SGCD: variants seen among roughly 807,000 people sequenced by gnomAD.
SGCD encodes sarcoglycan delta.
A neutral mutation model predicts 36.6 loss-of-function variants in SGCD; 18 were observed. The ratio of observed to expected loss-of-function variants is 0.49; its 90% CI spans 0.34 to 0.73. The LOEUF (loss-of-function observed/expected upper bound fraction) is 0.73. SGCD is among the 30% of genes least tolerant of loss of function. The probability of loss-of-function intolerance (pLI) is 0.01; values close to 1 mark genes in which losing one functional copy is unlikely to be tolerated. For missense variants in SGCD, 387 were observed against 346.7 expected (o/e 1.12, Z -0.92); for synonymous variants, 133 against 130.6 (o/e 1.02, Z -0.12).
chr5:156,446,669 G>C (rs1188912543), intron 3 of SGCD, among the ~76,000 whole-genome samples: 1 of 152,072 alleles, frequency 6.6e-6, no homozygotes, highest in African/African-American at 2.4e-5. Flanking sequence ...CCCTTCCCTG[G>C]CCGAAGGAGC....
intron 4 of SGCD, among the ~76,000 whole-genome samples, chr5:156,531,833 G>T (rs1421483631): frequency 1.3e-5 from 2 of 152,094 alleles, no homozygotes; most frequent in African/African-American, 4.8e-5. Context: ...CATGGGCTAG[G>T]CACGGTGGCT....
At chr5:156,039,672 A>G (rs1759588036) in intron 1 of SGCD, among the ~76,000 whole-genome samples, 1 of 152,200 alleles carries the variant, frequency 6.6e-6, no homozygotes, top group African/African-American at 2.4e-5. Context: ...AAAGAATTGT[A>G]TGTTTTCTCA....
chr5:155,769,435 A>C, the SGCD span, among the ~76,000 whole-genome samples: 12 of 141,068 alleles, frequency 8.5e-5, no homozygotes, highest in Non-Finnish European at 1.7e-4. Flanking sequence ...TGTAGAAATG[A>C]CCAAAAAAAA....
At chr5:155,950,639 T>C (rs1757530796) in intron 1 of SGCD, among the ~76,000 whole-genome samples, 1 of 152,150 alleles carries the variant, frequency 6.6e-6, no homozygotes, top group Non-Finnish European at 1.5e-5. Context: ...ACACAACAAA[T>C]GTCTGTACAT....
chr5:156,718,995 C>G (rs751126030), intron 7 of SGCD, among the ~76,000 whole-genome samples: 38 of 152,156 alleles, frequency 2.5e-4, no homozygotes, highest in African/African-American at 9.2e-4. Context: ...CCCTCCTTAC[C>G]CTTGATGTCA....
the SGCD span, among the ~76,000 whole-genome samples, chr5:155,818,598 G>T: frequency 2.0e-5 from 3 of 152,180 alleles, no homozygotes; most frequent in African/African-American, 7.2e-5. Flanking sequence ...ATGGCTCCCT[G>T]CAGCCTCAAC....
chr5:155,797,637 G>C, the SGCD span, among the ~76,000 whole-genome samples: 2 of 152,152 alleles, frequency 1.3e-5, no homozygotes, highest in Non-Finnish European at 2.9e-5. Context: ...TTGGGATTCA[G>C]AAGACCCGAG....
At chr5:156,389,696 C>T (rs1010531410) in intron 3 of SGCD, among the ~76,000 whole-genome samples, 11 of 152,156 alleles carry the variant, frequency 7.2e-5, no homozygotes, top group African/African-American at 1.2e-4. Context: ...TCATTCCTAA[C>T]GGGCCACAGG....
intron 1 of SGCD, among the ~76,000 whole-genome samples, chr5:155,939,667 A>G (rs1757285086): frequency 6.6e-6 from 1 of 151,048 alleles, no homozygotes. Context: ...AAATAATAAT[A>G]ATGAAAAAAA....
the SGCD span, among the ~76,000 whole-genome samples, chr5:155,810,249 T>A: frequency 6.6e-6 from 1 of 152,250 alleles, no homozygotes; most frequent in Non-Finnish European, 1.5e-5. Flanking sequence ...TCCTTCATTT[T>A]TATTTCTTGT....
intron 7 of SGCD, among the ~76,000 whole-genome samples, chr5:156,698,836 A>AC (rs1255879243): frequency 9.7e-6 from 1 of 103,080 alleles, no homozygotes; most frequent in African/African-American, 4.4e-5. Context: ...AAACTAAATT[A>AC]AAATACACAC....
chr5:156,542,433 T>C (rs980378902), intron 4 of SGCD, among the ~76,000 whole-genome samples: 1 of 152,150 alleles, frequency 6.6e-6, no homozygotes, highest in Non-Finnish European at 1.5e-5. Context: ...TACATCTAAA[T>C]GCAAGAATTT....
intron 1 of SGCD, among the ~76,000 whole-genome samples, chr5:155,875,486 C>T (rs966001028): frequency 2.6e-5 from 4 of 152,098 alleles, no homozygotes; most frequent in Non-Finnish European, 5.9e-5. Context: ...GGGGAACTTA[C>T]ATCAAACTCA....
chr5:156,378,483 GT>G (rs1233072268), intron 3 of SGCD, among the ~76,000 whole-genome samples: 1 of 152,126 alleles, frequency 6.6e-6, no homozygotes, highest in African/African-American at 2.4e-5. Context: ...AAGATGGTTA[GT>G]TTTATGTTGT....
intron 3 of SGCD, among the ~76,000 whole-genome samples, chr5:156,420,685 T>C (rs1463899357): frequency 6.6e-6 from 1 of 152,152 alleles, no homozygotes; most frequent in Non-Finnish European, 1.5e-5. Context: ...ATGAGATATT[T>C]CCACCATGGC....
At chr5:155,943,106 A>G (rs1052293268) in intron 1 of SGCD, among the ~76,000 whole-genome samples, 1 of 152,190 alleles carries the variant, frequency 6.6e-6, no homozygotes, top group East Asian at 1.9e-4. Context: ...TTTTCCATAG[A>G]GGTTAGGAGC....
At chr5:156,732,230 G>A (rs1487015163) in intron 7 of SGCD, among the ~76,000 whole-genome samples, 1 of 152,022 alleles carries the variant, frequency 6.6e-6, no homozygotes, top group African/African-American at 2.4e-5. Flanking sequence ...GGTTTTCAAG[G>A]GGAAATACTT....
intron 7 of SGCD, among the ~76,000 whole-genome samples, chr5:156,744,314 G>GA (rs1756841681): frequency 6.6e-6 from 1 of 152,200 alleles, no homozygotes; most frequent in Non-Finnish European, 1.5e-5. Flanking sequence ...TTTTGTGCTG[G>GA]AAAATCAGTG....
At chr5:156,416,623 G>A (rs1365277932) in intron 3 of SGCD, among the ~76,000 whole-genome samples, 3 of 152,186 alleles carry the variant, frequency 2.0e-5, no homozygotes, top group African/African-American at 4.8e-5. Flanking sequence ...TGTATGACAA[G>A]TCCTGTGTTA....
Sources: allele counts gnomAD v4.1 joint callset (sites outside exome capture counted in the v4.1 genomes callset), GRCh38; gene constraint gnomAD v4.1.1; transcripts MANE v1.5; gene names NCBI Gene and HGNC (gene_info 2026-07-23, HGNC 2026-07-21).